Variants in RAB3GAP1 observed in about 807,000 individuals in gnomAD.
RAB3GAP1 encodes the protein rab3 GTPase-activating protein catalytic subunit.
RAB3GAP1 carries 86 observed loss-of-function variants against 130.7 expected under a neutral mutation model. The ratio of observed to expected loss-of-function variants is 0.66; its 90% CI spans 0.55 to 0.79. RAB3GAP1 has a LOEUF of 0.79. Among genes scored for constraint, RAB3GAP1 ranks in the 30% least tolerant of loss-of-function variants. The probability of loss-of-function intolerance (pLI) is 0.00; values close to 1 mark genes in which losing one functional copy is unlikely to be tolerated. For missense variants in RAB3GAP1, 1,029 were observed against 1,169.4 expected (o/e 0.88, Z 1.75); for synonymous variants, 367 against 401.7 (o/e 0.91, Z 1.03).
chr2:135,058,403 A>G (rs1689082245), intron 3 of RAB3GAP1: 1 of 196,038 alleles, frequency 5.1e-6, no homozygotes, highest in South Asian at 1.1e-4. Context: ...ATGTTAAAAC[A>G]TGTTTTTAAA....
intron 3 of RAB3GAP1, among the ~76,000 whole-genome samples, chr2:135,074,025 A>G (rs1689550391): frequency 6.6e-6 from 1 of 152,186 alleles, no homozygotes; most frequent in South Asian, 2.1e-4. Flanking sequence ...ATCTCCTGGC[A>G]CTAGGGCCTT....
chr2:135,157,783 G>A (rs1444665149), intron 19 of RAB3GAP1, among the ~76,000 whole-genome samples: 1 of 144,940 alleles, frequency 6.9e-6, no homozygotes, highest in Non-Finnish European at 1.5e-5. Flanking sequence ...AGTGAGCCGA[G>A]ATCGTGTCAC....
chr2:135,157,416 G>C (rs1055704343), intron 19 of RAB3GAP1, among the ~76,000 whole-genome samples: 3 of 152,184 alleles, frequency 2.0e-5, no homozygotes, highest in Non-Finnish European at 4.4e-5. Flanking sequence ...TTTTAAATGA[G>C]TAACATAACC....
intron 17 of RAB3GAP1, among the ~76,000 whole-genome samples, chr2:135,142,147 T>C (rs931974717): frequency 6.6e-6 from 1 of 152,244 alleles, no homozygotes; most frequent in African/African-American, 2.4e-5. Context: ...TTATGGAGAA[T>C]TGACATCTTA....
intron 5 of RAB3GAP1, among the ~76,000 whole-genome samples, chr2:135,106,164 C>T (rs1478290997): frequency 6.6e-6 from 1 of 151,934 alleles, no homozygotes; most frequent in Non-Finnish European, 1.5e-5. Flanking sequence ...CCGGCCGCCG[C>T]CCCGTCCGGG....
chr2:135,065,994 C>T (rs572340999), intron 3 of RAB3GAP1, among the ~76,000 whole-genome samples: 4 of 152,100 alleles, frequency 2.6e-5, no homozygotes, highest in East Asian at 1.9e-4. Flanking sequence ...AGAATGGTCT[C>T]AATCTCTTGA....
chr2:135,098,517 TA>T (rs1461351378), intron 5 of RAB3GAP1, among the ~76,000 whole-genome samples: 2 of 152,160 alleles, frequency 1.3e-5, no homozygotes, highest in Non-Finnish European at 2.9e-5. Flanking sequence ...TTTCTCCTAT[TA>T]AAAAATTATT....
chr2:135,122,045 A>G lies in RAB3GAP1; in HGVS notation c.748+1127A>G, dbSNP rs548410018. Among the ~76,000 whole-genome samples, 241 of 152,178 alleles carry G rather than the reference A, an allele frequency of 1.6e-3. 5 individuals carry two copies. The highest frequency in any genetic ancestry group is 6.1e-3 in the Admixed American group (94 of 15,286). On this transcript the variant is annotated intron_variant, in intron 8 of 23. Transcript: ENST00000264158. ...GAGGCGGAGGTTGCAGTGAGCTGAC[A>G]TTGCGCCACTGTACTCCAGCCTGGG...
chr2:135,128,006 C>CT (rs1691408505), intron 11 of RAB3GAP1, among the ~76,000 whole-genome samples: 1 of 152,132 alleles, frequency 6.6e-6, no homozygotes, highest in African/African-American at 2.4e-5. Context: ...TACCTTAACT[C>CT]TCTATCACTT....
chr2:135,136,157 C>G (rs1418219619), intron 17 of RAB3GAP1, among the ~76,000 whole-genome samples: 5 of 152,132 alleles, frequency 3.3e-5, no homozygotes, highest in African/African-American at 7.2e-5. Context: ...GAAACCCTGT[C>G]TCTACTAAAA....
At chr2:135,075,138 A>G (rs1173293572) in intron 3 of RAB3GAP1, among the ~76,000 whole-genome samples, 1 of 152,206 alleles carries the variant, frequency 6.6e-6, no homozygotes, top group Admixed American at 6.5e-5. Flanking sequence ...ATGGGGAAAT[A>G]TTTTGGGGCA....
At chr2:135,147,013 A>T (rs1353938606) in intron 17 of RAB3GAP1, among the ~76,000 whole-genome samples, 1 of 151,946 alleles carries the variant, frequency 6.6e-6, no homozygotes, top group Non-Finnish European at 1.5e-5. Flanking sequence ...AATTTATCAA[A>T]TGTGCCTTTA....
rs1489702157 is a variant in RAB3GAP1 at position 135,081,328 on chromosome 2, ATATATATATATATATAT to A, written c.151-9669_151-9653del. On this transcript the variant is annotated intron_variant, in intron 3 of 23. Coordinates refer to ENST00000264158, the MANE Select transcript of RAB3GAP1 (RefSeq NM_012233.3). The stretch of plus-strand genomic sequence containing the variant: ...TCTCAAAAAAAAAAAAAAAAAAAAA[ATATATATATATATATAT>A]ATATATATATATATATACACACACG... 3.8e-3 allele frequency among the ~76,000 whole-genome samples: 209 copies of A among 55,392 alleles called. 5 individuals are homozygous for A. The highest frequency in any genetic ancestry group is 0.021 in the African/African-American group (200 of 9,438). The allele number at this position is 55,392 out of a possible 152,430, so 36.3% of individuals were successfully genotyped here.
intron 10 of RAB3GAP1, 36 bp downstream of exon 10, chr2:135,126,285 A>C: frequency 6.8e-7 from 1 of 1,479,894 alleles, no homozygotes. Flanking sequence ...ACTGAGATTA[A>C]AAAACTTCAG....
intron 3 of RAB3GAP1, among the ~76,000 whole-genome samples, chr2:135,078,642 T>A (rs1282315288): frequency 3.5e-5 from 4 of 115,050 alleles, no homozygotes; most frequent in East Asian, 2.6e-4. Flanking sequence ...CTGGGCTATA[T>A]TAGTCCCCTC....
Position 135,126,661 on chromosome 2 carries a change from G to A in RAB3GAP1, c.973+5G>A. ...AGAATCCTCAGTGTTTGCTAGGTAA[G>A]GTATATTATGCTCCTTTCCTGAAAT... On this transcript the variant is annotated splice_donor_5th_base_variant and intron_variant, in intron 11 of 23. Transcript: ENST00000264158. The A allele has an allele frequency of 6.2e-7, 1 of 1,602,472 alleles. No homozygotes were observed.
Position 135,063,151 on chromosome 2 carries a change from T to C in RAB3GAP1, c.150+5065T>C, listed in dbSNP as rs528519061. ...TTAACTGTAGGTTTTTTAATAGGTG[T>C]CCATAAGACTGAGTAAATTATTTTT... On this transcript the variant is annotated intron_variant, in intron 3 of 23. Transcript: ENST00000264158. 1.4e-3 allele frequency among the ~76,000 whole-genome samples: 219 copies of C among 152,334 alleles called. 1 individual carries two copies. Among genetic ancestry groups the C allele is most frequent in the African/African-American group, 5.1e-3 (212 of 41,576 alleles).
intron 22 of RAB3GAP1, among the ~76,000 whole-genome samples, chr2:135,164,116 A>G (rs2105000290): frequency 6.6e-6 from 1 of 152,366 alleles, no homozygotes. Flanking sequence ...ATCTAATGGC[A>G]CAGTTTACAA....
intron 5 of RAB3GAP1, among the ~76,000 whole-genome samples, chr2:135,110,800 GC>G (rs761430608): frequency 4.6e-5 from 7 of 152,132 alleles, no homozygotes; most frequent in Non-Finnish European, 5.9e-5. Flanking sequence ...TTGAAAAGAA[GC>G]TTTACAAAGT....
Sources: gnomAD v4.1 joint callset for allele counts (sites outside exome capture counted in the v4.1 genomes callset) on GRCh38, gnomAD v4.1.1 for gene constraint, MANE v1.5 for transcripts, NCBI Gene and HGNC (gene_info 2026-07-23, HGNC 2026-07-21) for gene names.